PDE11A: variants seen among roughly 807,000 people sequenced by gnomAD.
PDE11A encodes dual 3',5'-cyclic-AMP and -GMP phosphodiesterase 11A.
In PDE11A, 100 loss-of-function variants were observed where a neutral mutation model predicts 100.5. The observed-to-expected ratio is 1.00, with a 90% CI of 0.85 to 1.18. PDE11A has a LOEUF of 1.18. Ranked by LOEUF, PDE11A falls within the 50% of genes most tolerant of loss-of-function variation. The pLI, the probability that PDE11A is intolerant of heterozygous loss-of-function variation, is 0.00. For synonymous variants in PDE11A, 381 were observed against 420.8 expected (o/e 0.91, Z 1.16); for missense variants, 1,141 against 1,152.6 (o/e 0.99, Z 0.15).
intron 2 of PDE11A, among the ~76,000 whole-genome samples, chr2:177,933,096 A>G (rs1369854328): frequency 6.6e-6 from 1 of 152,014 alleles, no homozygotes; most frequent in African/African-American, 2.4e-5. Context: ...ACACAAATAA[A>G]ATACCTAGGA....
intron 13 of PDE11A, among the ~76,000 whole-genome samples, chr2:177,710,472 G>A (rs1261057607): frequency 1.3e-5 from 2 of 152,132 alleles, no homozygotes; most frequent in African/African-American, 4.8e-5. Flanking sequence ...GACTGGCAGC[G>A]AGTTCTAGCG....
At chr2:177,668,051 G>GA (rs1375446198) in intron 18 of PDE11A, among the ~76,000 whole-genome samples, 1 of 152,226 alleles carries the variant, frequency 6.6e-6, no homozygotes, top group Non-Finnish European at 1.5e-5. Context: ...CCCCTGAGGA[G>GA]ATGGTCATCA....
rs61598323 is a variant in PDE11A, at chr2:177,758,147, A to G, written c.1788+11176T>C. On this transcript the variant is annotated intron_variant, in intron 10 of 19. Coordinates refer to ENST00000286063, the MANE Select transcript of PDE11A (RefSeq NM_016953.4). ...CCATCTCTACTAAAAAAAAAAAAAA[A>G]TTAGCCAGGCATGGTGGCAGGCGCC... 3.8e-3 allele frequency among the ~76,000 whole-genome samples: 576 copies of G among 151,088 alleles called. 23 individuals carry two copies. In the East Asian group the frequency reaches 0.082, roughly 21 times the overall value.
At chr2:177,908,476 G>A (rs550108213) in intron 2 of PDE11A, among the ~76,000 whole-genome samples, 2 of 152,294 alleles carry the variant, frequency 1.3e-5, no homozygotes, top group African/African-American at 2.4e-5. Flanking sequence ...CAGGGCCCTC[G>A]CCTCCAGGTG....
chr2:177,728,127 G>T lies in PDE11A; in HGVS notation c.1834C>A (p.His612Asn). 1 of 1,612,684 alleles carries T rather than the reference G, an allele frequency of 6.2e-7. No homozygotes were observed. The highest frequency in any genetic ancestry group is 2.2e-5 in the East Asian group (1 of 44,842). ...ACGTCGAGAGAAAAGTCATCAAAAT[G>T]AATGTCATCGATGGCAAGTTCTGAC... Reference protein sequence around the residue: ...LVSELAIDDIHFDDFSLDVDA... With the variant: ...LVSELAIDDINFDDFSLDVDA... Residue 612 changes from histidine to asparagine, a missense_variant, in exon 11 of 20, where the codon CAT (histidine) becomes AAT (asparagine). Physicochemically the swap from His to Asn is moderately conservative, Grantham distance 68. Transcript: ENST00000286063.
At chr2:177,770,073 T>C (rs1371050540) in intron 9 of PDE11A, among the ~76,000 whole-genome samples, 1 of 152,188 alleles carries the variant, frequency 6.6e-6, no homozygotes, top group Non-Finnish European at 1.5e-5. Flanking sequence ...ATTTGCCTGC[T>C]TTTATTATAT....
chr2:177,986,506 C>T (rs896828129), intron 2 of PDE11A, among the ~76,000 whole-genome samples: 1 of 152,178 alleles, frequency 6.6e-6, no homozygotes, highest in Non-Finnish European at 1.5e-5. Context: ...ATGCGTTTTA[C>T]CCTCTGGTCC....
chr2:177,760,498 G>A (rs76345412), intron 10 of PDE11A, among the ~76,000 whole-genome samples: 2,605 of 152,108 alleles, frequency 0.017, 37 homozygotes, highest in South Asian at 0.034. Flanking sequence ...TTGAGTATGC[G>A]AAAATCATAA....
chr2:177,871,586 C>T (rs1157001398), intron 5 of PDE11A, among the ~76,000 whole-genome samples: 2 of 150,114 alleles, frequency 1.3e-5, no homozygotes. Flanking sequence ...AAATCTTAGG[C>T]TTGGCATGGT....
intron 19 of PDE11A, among the ~76,000 whole-genome samples, chr2:177,662,137 A>C (rs555867205): frequency 1.3e-5 from 2 of 152,330 alleles, no homozygotes; most frequent in South Asian, 4.1e-4. Flanking sequence ...TTGTAACCTA[A>C]AGATTTCAAA....
At chr2:177,813,881 C>T (rs146672995) in intron 9 of PDE11A, among the ~76,000 whole-genome samples, 230 of 149,810 alleles carry the variant, frequency 1.5e-3, no homozygotes, top group African/African-American at 5.3e-3. Flanking sequence ...GAAAGAGCTA[C>T]ATTTAGACAC....
At chr2:177,998,789 G>A in intron 2 of PDE11A, 1 of 716,638 alleles carries the variant, frequency 1.4e-6, no homozygotes, top group Admixed American at 2.1e-5. Flanking sequence ...ACAAGCCCAG[G>A]GCCTGCTCCC....
At position 177,629,267 on chromosome 2, in the gene PDE11A, G is replaced by T. The variant is rs111459385; in HGVS notation, c.*140C>A. 22 of 802,982 alleles carry T rather than the reference G, an allele frequency of 2.7e-5. No individual in the cohort carries two copies. Among genetic ancestry groups the T allele is most frequent in the Non-Finnish European group, 4.4e-5 (20 of 458,172 alleles). 49.7% of individuals were successfully genotyped at this position (802,982 alleles called of 1,614,324 possible). On this transcript the variant is annotated 3_prime_UTR_variant, in exon 20 of 20. Coordinates refer to ENST00000286063, the MANE Select transcript of PDE11A (RefSeq NM_016953.4). The stretch of plus-strand genomic sequence containing the variant: ...TCTCTGCTGCTGACCATGCTTCAAG[G>T]TGAAAGCCCAGGCATGCTTCCCAGT...
intron 2 of PDE11A, among the ~76,000 whole-genome samples, chr2:177,924,103 A>G (rs180879976): frequency 8.5e-5 from 13 of 152,352 alleles, no homozygotes; most frequent in African/African-American, 3.1e-4. Context: ...GTGTTGGCTT[A>G]AAGAAACATC....
intron 2 of PDE11A, among the ~76,000 whole-genome samples, chr2:178,009,616 G>T (rs544608903): frequency 6.6e-6 from 1 of 152,242 alleles, no homozygotes; most frequent in South Asian, 2.1e-4. Context: ...GGAAAAGGTG[G>T]CAGGGAATGG....
intron 4 of PDE11A, among the ~76,000 whole-genome samples, chr2:177,877,574 T>C (rs766029660): frequency 1.3e-5 from 2 of 152,144 alleles, no homozygotes; most frequent in Non-Finnish European, 2.9e-5. Context: ...CAGTCTTCCT[T>C]TCTGTGATAT....
rs150635927 is a variant in PDE11A, at chr2:177,766,185, G to T, written c.1788+3138C>A. Among the ~76,000 whole-genome samples the T allele has an allele frequency of 5.3e-5, 8 of 152,262 alleles. No individual in the cohort carries two copies. The East Asian group carries it at 1.4e-3, about 26-fold the overall frequency. ...GTGGGAATGGTTTTGGAATAAAATT[G>T]TTCTACCTCATATCATCAGGCATTG... On this transcript the variant is annotated intron_variant, in intron 10 of 19. Transcript: ENST00000286063.
chr2:177,950,219 T>C (rs1407686529), intron 2 of PDE11A, among the ~76,000 whole-genome samples: 4 of 143,644 alleles, frequency 2.8e-5, no homozygotes, highest in Non-Finnish European at 6.2e-5. Flanking sequence ...TGTTCTCTCC[T>C]TCCCATTTTT....
intron 9 of PDE11A, among the ~76,000 whole-genome samples, chr2:177,788,789 G>A (rs2082581422): frequency 6.6e-6 from 1 of 152,166 alleles, no homozygotes; most frequent in East Asian, 1.9e-4. Flanking sequence ...GAAAATCTAG[G>A]AGAAATGGAT....
Sources: allele counts gnomAD v4.1 joint callset (sites outside exome capture counted in the v4.1 genomes callset), GRCh38; gene constraint gnomAD v4.1.1; transcripts MANE v1.5; gene names NCBI Gene and HGNC (gene_info 2026-07-23, HGNC 2026-07-21).